Variants in AP3B2 observed in about 807,000 individuals in gnomAD.
AP3B2 encodes adaptor related protein complex 3 subunit beta 2, also known as AP-3 complex subunit beta-2.
In AP3B2, 50 loss-of-function variants were observed where a neutral mutation model predicts 126.9. That is an observed-to-expected ratio of 0.39 (90% CI 0.31 to 0.50). AP3B2 has a LOEUF of 0.50. AP3B2 is among the 20% of genes least tolerant of loss of function. The pLI is 0.79. For synonymous variants in AP3B2, 541 were observed against 565.0 expected (o/e 0.96, Z 0.60); for missense variants, 1,177 against 1,426.4 (o/e 0.83, Z 2.82).
intron 21 of AP3B2, 119 bp from the exon 22 acceptor site, chr15:82,663,352 T>C (rs889052401): frequency 9.8e-7 from 1 of 1,016,594 alleles, no homozygotes; most frequent in South Asian, 1.4e-5. Context: ...CATGGCTGCC[T>C]GGAGGCTCTC....
At chr15:82,702,374 C>A (rs546780995) in intron 1 of AP3B2, among the ~76,000 whole-genome samples, 2 of 152,306 alleles carry the variant, frequency 1.3e-5, no homozygotes, top group East Asian at 1.9e-4. Context: ...TGAGTAACAT[C>A]CTTGTCAGGC....
intron 1 of AP3B2, among the ~76,000 whole-genome samples, chr15:82,702,876 G>T (rs2048741214): frequency 1.3e-5 from 2 of 152,076 alleles, no homozygotes; most frequent in Non-Finnish European, 2.9e-5. Context: ...ATGACCTCGG[G>T]TCCTCAGACC....
intron 1 of AP3B2, among the ~76,000 whole-genome samples, chr15:82,695,298 C>T (rs1466570672): frequency 6.6e-6 from 1 of 151,986 alleles, no homozygotes; most frequent in Non-Finnish European, 1.5e-5. Flanking sequence ...TGGGTTTCAT[C>T]ATGTTGGTCA....
At chr15:82,700,397 C>CTTGTTTTTTTTTTTTTTT (rs2048700044) in intron 1 of AP3B2, among the ~76,000 whole-genome samples, 2 of 35,096 alleles carry the variant, frequency 5.7e-5, no homozygotes, top group Non-Finnish European at 1.0e-4. Context: ...TGGTGGGTGG[C>CTTGTTTTTTTTTTTTTTT]TTTTTTTTTT....
chr15:82,692,894 C>A, intron 1 of AP3B2: 1 of 150,494 alleles, frequency 6.6e-6, no homozygotes. Flanking sequence ...TTTTAGATCT[C>A]ATACTTCATT....
At chr15:82,697,097 C>T (rs540194941) in intron 1 of AP3B2, among the ~76,000 whole-genome samples, 1 of 152,196 alleles carries the variant, frequency 6.6e-6, no homozygotes, top group Admixed American at 6.5e-5. Flanking sequence ...TTTGGGAGGC[C>T]AAGGCAGGCG....
intron 14 of AP3B2, among the ~76,000 whole-genome samples, chr15:82,669,997 C>A (rs2048122273): frequency 9.6e-6 from 1 of 104,672 alleles, no homozygotes; most frequent in Non-Finnish European, 1.9e-5. Flanking sequence ...AGTGAGAACT[C>A]CATCTCAAAA....
At chr15:82,688,235 A>G in intron 4 of AP3B2, 1 of 581,908 alleles carries the variant, frequency 1.7e-6, no homozygotes, top group South Asian at 2.3e-5. Context: ...TAGACTAACC[A>G]GAAAAGCCCT....
At chr15:82,693,202 G>A (rs997757117) in intron 1 of AP3B2, among the ~76,000 whole-genome samples, 825 of 43,848 alleles carry the variant, frequency 0.019, 10 homozygotes, top group Non-Finnish European at 0.022. Flanking sequence ...CCACCCCCCC[G>A]CCCCCGCCCC....
chr15:82,670,113 G>GGT (rs1369112688), intron 14 of AP3B2, among the ~76,000 whole-genome samples: 1 of 15,238 alleles, frequency 6.6e-5, no homozygotes, highest in Non-Finnish European at 1.7e-4. Flanking sequence ...TTTTTTTTTT[G>GGT]GCGGGGGGGG....
At chr15:82,685,449 T>C (rs2048411104) in intron 4 of AP3B2, 1 of 152,150 alleles carries the variant, frequency 6.6e-6, no homozygotes, top group East Asian at 1.9e-4. Flanking sequence ...CTTTCTGAAA[T>C]GGAAAAAGAC....
Position 82,665,295 on chromosome 15 carries a change from ATCT to A in AP3B2, c.1977_1979del (p.Glu659del), listed in dbSNP as rs771939237. 9.9e-5 allele frequency: 155 copies of A among 1,558,800 alleles called. No homozygotes were observed. Among genetic ancestry groups the A allele is most frequent in the African/African-American group, 3.0e-4 (22 of 73,520 alleles). On this transcript the variant is annotated inframe_deletion, in exon 17 of 27. Coordinates refer to ENST00000535359, the MANE Select transcript of AP3B2 (RefSeq NM_001278512.2). This position sits in a 1 kb window ranked among gnomAD's most constrained non-coding sequence, Gnocchi z 4.4. ...CCACGTGAGTCTCAATAAGGGAGAGATCTTCTTCCTGTGTGTGTGGGGGAGGGT... is the reference window on the plus strand; with the variant it reads ...CCACGTGAGTCTCAATAAGGGAGAGATCTTCCTGTGTGTGTGGGGGAGGGT...
chr15:82,706,065 C>T (rs907668721), intron 1 of AP3B2, among the ~76,000 whole-genome samples: 15 of 152,176 alleles, frequency 9.9e-5, no homozygotes, highest in African/African-American at 2.7e-4. Context: ...CCTTTCTGTC[C>T]GAACAACTTG....
chr15:82,683,540 C>A (rs1255918459), intron 4 of AP3B2, among the ~76,000 whole-genome samples: 2 of 152,038 alleles, frequency 1.3e-5, no homozygotes, highest in Non-Finnish European at 2.9e-5. Context: ...AGTAGTGAAC[C>A]CCTCAAAGTC....
chr15:82,660,842 C>G (rs2047930988), intron 25 of AP3B2, among the ~76,000 whole-genome samples: 1 of 152,202 alleles, frequency 6.6e-6, no homozygotes, highest in Non-Finnish European at 1.5e-5. Context: ...CTTCATCGTG[C>G]CAATGCCCTG....
rs569015495 is a variant in AP3B2, at chr15:82,688,935, G to C, written c.265-104C>G. The C allele has an allele frequency of 2.4e-5, 28 of 1,186,036 alleles. No homozygotes were observed. The African/African-American group carries it at 4.0e-4, about 17-fold the overall frequency. 73.5% of individuals were successfully genotyped at this position (1,186,036 alleles called of 1,614,324 possible). A position where few individuals can be genotyped will look rare whatever the true frequency, so the allele number is the denominator to read the frequency against. On this transcript the variant is annotated intron_variant, in intron 3 of 26. Transcript: ENST00000535359. Reference sequence around the variant, plus strand: ...TCCCCAGCCAGCTGCGGTCCATGGGGACAAACTCTCCCAGTGGGGGAGAGC... The same window carrying C: ...TCCCCAGCCAGCTGCGGTCCATGGGCACAAACTCTCCCAGTGGGGGAGAGC...
chr15:82,692,862 C>T (rs1270194284), intron 1 of AP3B2: 1 of 151,102 alleles, frequency 6.6e-6, no homozygotes, highest in Non-Finnish European at 1.5e-5. Context: ...AATGCTGAGC[C>T]AATACACAGG....
chr15:82,671,301 C>CA (rs1254525986), intron 14 of AP3B2, among the ~76,000 whole-genome samples: 1 of 151,526 alleles, frequency 6.6e-6, no homozygotes, highest in East Asian at 1.9e-4. Context: ...CAAAACAAAA[C>CA]AAAAAAAGAT....
intron 1 of AP3B2, among the ~76,000 whole-genome samples, chr15:82,700,415 T>TTTTTTTTTTTTTTTC (rs58240249): frequency 3.0e-5 from 4 of 133,254 alleles, no homozygotes; most frequent in South Asian, 2.6e-4. Flanking sequence ...TTTTTTTTTT[T>TTTTTTTTTTTTTTTC]CAGATGGAGT....
Sources: allele counts gnomAD v4.1 joint callset (sites outside exome capture counted in the v4.1 genomes callset), GRCh38; gene constraint gnomAD v4.1.1; non-coding constraint Gnocchi (gnomAD v3.1); transcripts MANE v1.5; gene names NCBI Gene and HGNC (gene_info 2026-07-23, HGNC 2026-07-21).